The following PCMTD1 variants were observed in gnomAD, a reference collection of about 807,000 sequenced individuals.
PCMTD1 encodes protein-L-isoaspartate (D-aspartate) O-methyltransferase domain containing 1.
PCMTD1 carries 12 observed loss-of-function variants against 37.6 expected under a neutral mutation model. The ratio of observed to expected loss-of-function variants is 0.32; its 90% CI spans 0.20 to 0.52. The LOEUF (loss-of-function observed/expected upper bound fraction) is 0.52, where lower values mean the gene tolerates loss of function less well. Ranked by LOEUF, PCMTD1 falls within the 20% of genes least tolerant of loss-of-function variation. The probability of loss-of-function intolerance (pLI) is 0.97; values close to 1 mark genes in which losing one functional copy is unlikely to be tolerated. For missense variants in PCMTD1, 235 were observed against 421.3 expected (o/e 0.56, Z 3.87); for synonymous variants, 117 against 135.8 (o/e 0.86, Z 0.96).
chr8:51,868,408 G>A (rs1430758871), intron 1 of PCMTD1, among the ~76,000 whole-genome samples: 2 of 152,058 alleles, frequency 1.3e-5, no homozygotes, highest in Non-Finnish European at 2.9e-5. Flanking sequence ...CCTACAAAAT[G>A]GCTATATGTG....
intron 1 of PCMTD1, among the ~76,000 whole-genome samples, chr8:51,887,889 G>GTAA (rs775124386): frequency 1.4e-3 from 212 of 151,862 alleles, no homozygotes; most frequent in Non-Finnish European, 2.7e-3. Context: ...TTACAGGCAC[G>GTAA]TGCCAACCAC....
intron 2 of PCMTD1, among the ~76,000 whole-genome samples, chr8:51,859,035 G>C (rs2038433005): frequency 6.6e-6 from 1 of 152,142 alleles, no homozygotes; most frequent in Admixed American, 6.6e-5. Flanking sequence ...CTGCTGGCAA[G>C]ATAGCAAATT....
At chr8:51,845,071 C>T (rs948682422) in intron 3 of PCMTD1, 2 of 152,234 alleles carry the variant, frequency 1.3e-5, no homozygotes, top group Non-Finnish European at 2.9e-5. Context: ...TAGGATTACA[C>T]ACCAAATGGA....
intron 2 of PCMTD1, among the ~76,000 whole-genome samples, chr8:51,853,035 G>C (rs1403010581): frequency 6.6e-6 from 1 of 152,164 alleles, no homozygotes; most frequent in Admixed American, 6.5e-5. Context: ...CCGGACCTTG[G>C]AGGCAGAAAT....
intron 2 of PCMTD1, among the ~76,000 whole-genome samples, chr8:51,855,870 G>A (rs558367044): frequency 4.6e-5 from 7 of 151,852 alleles, no homozygotes; most frequent in Admixed American, 2.6e-4. Context: ...GGGTTTCACC[G>A]TGTTAGCCAG....
chr8:51,874,376 A>G (rs749447612), intron 1 of PCMTD1, among the ~76,000 whole-genome samples: 1 of 150,848 alleles, frequency 6.6e-6, no homozygotes, highest in Non-Finnish European at 1.5e-5. Context: ...CTCCTTCAAC[A>G]TGGAACCACC....
intron 2 of PCMTD1, among the ~76,000 whole-genome samples, chr8:51,857,064 G>A (rs1243298887): frequency 6.6e-5 from 10 of 152,248 alleles, no homozygotes; most frequent in Admixed American, 3.3e-4. Context: ...TGAGGTCAAA[G>A]GCAATATAGG....
upstream of PCMTD1, chr8:51,899,087 T>A (rs1419016861): frequency 6.7e-7 from 1 of 1,482,144 alleles, no homozygotes; most frequent in Non-Finnish European, 8.9e-7. Context: ...CCTCCCGGAC[T>A]CCGGAGCCGC....
intron 2 of PCMTD1, among the ~76,000 whole-genome samples, chr8:51,852,500 T>A (rs1463543559): frequency 6.6e-6 from 1 of 152,210 alleles, no homozygotes; most frequent in African/African-American, 2.4e-5. Flanking sequence ...GATAGAAATC[T>A]GTCAAAATTC....
At chr8:51,823,026 G>A (rs2037870925) in intron 5 of PCMTD1, among the ~76,000 whole-genome samples, 1 of 152,144 alleles carries the variant, frequency 6.6e-6, no homozygotes, top group Admixed American at 6.5e-5. Context: ...TTCCAGCGAT[G>A]TATCTTTCAA....
At chr8:51,822,720 G>A (rs576214097) in intron 5 of PCMTD1, among the ~76,000 whole-genome samples, 1 of 152,270 alleles carries the variant, frequency 6.6e-6, no homozygotes, top group Non-Finnish European at 1.5e-5. Context: ...CAAGGTCGGG[G>A]CTGGAGATGC....
chr8:51,895,170 A>G (rs2038983031), intron 1 of PCMTD1, among the ~76,000 whole-genome samples: 1 of 152,216 alleles, frequency 6.6e-6, no homozygotes, highest in Non-Finnish European at 1.5e-5. Context: ...TACAGGCAAC[A>G]TCTATCTATA....
intron 5 of PCMTD1, among the ~76,000 whole-genome samples, chr8:51,828,250 C>G (rs1291101695): frequency 6.6e-6 from 1 of 151,978 alleles, no homozygotes; most frequent in Non-Finnish European, 1.5e-5. Flanking sequence ...TTCATTACTT[C>G]CTTTTATTAC....
At chr8:51,858,438 G>A (rs182187988) in intron 2 of PCMTD1, among the ~76,000 whole-genome samples, 1 of 152,062 alleles carries the variant, frequency 6.6e-6, no homozygotes, top group Non-Finnish European at 1.5e-5. Context: ...TGAAGCAGTG[G>A]AGCCAAATTT....
At chr8:51,897,165 C>T (rs1187883074) in intron 1 of PCMTD1, among the ~76,000 whole-genome samples, 2 of 152,184 alleles carry the variant, frequency 1.3e-5, no homozygotes, top group African/African-American at 2.4e-5. Context: ...TCCCTGGAAG[C>T]TAGCACCAAG....
chr8:51,848,374 G>T (rs959279701), intron 2 of PCMTD1, among the ~76,000 whole-genome samples: 1 of 151,894 alleles, frequency 6.6e-6, no homozygotes, highest in Admixed American at 6.6e-5. Flanking sequence ...GCATAGATAC[G>T]AGATCAATTA....
intron 1 of PCMTD1, among the ~76,000 whole-genome samples, chr8:51,869,982 C>A (rs1254601924): frequency 1.3e-5 from 2 of 152,164 alleles, no homozygotes; most frequent in Non-Finnish European, 2.9e-5. Flanking sequence ...TAGGAAAGAA[C>A]TGTCAAAGGC....
intron 2 of PCMTD1, among the ~76,000 whole-genome samples, chr8:51,857,345 G>C (rs925983250): frequency 6.6e-6 from 1 of 152,138 alleles, no homozygotes; most frequent in African/African-American, 2.4e-5. Context: ...CATTAGGTGG[G>C]ATGAATCTGT....
At chr8:51,876,046 C>T (rs2038708851) in intron 1 of PCMTD1, among the ~76,000 whole-genome samples, 1 of 152,174 alleles carries the variant, frequency 6.6e-6, no homozygotes, top group Non-Finnish European at 1.5e-5. Context: ...TATAAACTGT[C>T]TACAATAGTC....
Sources: allele counts gnomAD v4.1 joint callset (sites outside exome capture counted in the v4.1 genomes callset), GRCh38; gene constraint gnomAD v4.1.1; transcripts MANE v1.5; gene names NCBI Gene and HGNC (gene_info 2026-07-23, HGNC 2026-07-21).